EML6: variants seen among roughly 807,000 people sequenced by gnomAD.
EML6 encodes the protein EMAP like 6, also known as echinoderm microtubule-associated protein-like 6.
EML6 carries 154 observed loss-of-function variants against 240.1 expected under a neutral mutation model. The ratio of observed to expected loss-of-function variants is 0.64; its 90% CI spans 0.56 to 0.73. The LOEUF (loss-of-function observed/expected upper bound fraction) is 0.73. Among genes scored for constraint, EML6 ranks in the 30% least tolerant of loss-of-function variants. The pLI, the probability that EML6 is intolerant of heterozygous loss-of-function variation, is 0.00. For missense variants in EML6, 2,964 were observed against 2,474.6 expected (o/e 1.20, Z -4.20); for synonymous variants, 1,148 against 899.0 (o/e 1.28, Z -4.95).
chr2:54,838,516 G>C (rs955851648), intron 7 of EML6, among the ~76,000 whole-genome samples: 4 of 152,176 alleles, frequency 2.6e-5, no homozygotes, highest in African/African-American at 4.8e-5. Context: ...AAATAAACTA[G>C]TGGTAGAAAA....
chr2:54,853,576 T>A, intron 10 of EML6, 67 bp from the exon 11 acceptor site: 1 of 1,023,120 alleles, frequency 9.8e-7, no homozygotes, highest in Non-Finnish European at 1.4e-6. Flanking sequence ...AAGTTTCAGA[T>A]CTTTATAAAA....
Position 54,844,202 on chromosome 2 carries a change from C to G in EML6, c.1003C>G (p.Pro335Ala). Residue 335 changes from proline to alanine, a missense_variant, in exon 8 of 42, where the codon CCC becomes GCC. Transcript: ENST00000356458. ...TGAGCTCTGGGCTCTGGCCCTGCAC[C>G]CCAAGAAGCCTCTGGCTGTGACAGG... Reference protein sequence around the residue: ...EGELWALALHPKKPLAVTGSD... With the variant: ...EGELWALALHAKKPLAVTGSD... 2 of 1,551,656 alleles carry G rather than the reference C, an allele frequency of 1.3e-6. No homozygotes were observed. The highest frequency in any genetic ancestry group is 8.7e-7 in the Non-Finnish European group (1 of 1,146,992).
At chr2:54,909,396 G>A (rs1673520850) in intron 24 of EML6, among the ~76,000 whole-genome samples, 1 of 151,942 alleles carries the variant, frequency 6.6e-6, no homozygotes, top group Admixed American at 6.6e-5. Flanking sequence ...CCCATTTCAG[G>A]GTACACATTT....
chr2:54,829,409 G>A lies in EML6; in HGVS notation c.779G>A (p.Arg260Gln), dbSNP rs1425292691. 9 of 1,551,620 alleles carry A rather than the reference G, an allele frequency of 5.8e-6. No homozygotes were observed. The Admixed American group carries it at 5.9e-5, about 10-fold the overall frequency. Residue 260 changes from arginine to glutamine, a missense_variant, in exon 7 of 42, where the codon CGA becomes CAA. Coordinates refer to ENST00000356458, the MANE Select transcript of EML6 (RefSeq NM_001039753.4). ...ACTGGTGGGCGAGATGGGTGTATACGACTGTGGGACACTGATTTCAAACCA... is the reference window on the plus strand; with the variant it reads ...ACTGGTGGGCGAGATGGGTGTATACAACTGTGGGACACTGATTTCAAACCA... ...FATGGRDGCI[R>Q]LWDTDFKPIT...
rs78578324 is a variant in EML6, at chr2:54,912,351, C to T, written c.3498+1309C>T. Among the ~76,000 whole-genome samples, 1,056 of 152,216 alleles carry T rather than the reference C, an allele frequency of 6.9e-3. 4 individuals carry two copies. The highest frequency in any genetic ancestry group is 0.011 in the Non-Finnish European group (716 of 68,002). The stretch of plus-strand genomic sequence containing the variant: ...GAGTAAGAGGTATTTTTAATTACGT[C>T]CTTCATTCACTGGTAATTTGTTGAC... On this transcript the variant is annotated intron_variant, in intron 25 of 41. Transcript: ENST00000356458.
In EML6 at chr2:54,891,036, C is replaced by T; in HGVS notation, c.2439-18C>T. 8.1e-7 allele frequency: 1 copy of T among 1,227,598 alleles called. No individual in the cohort carries two copies. The highest frequency in any genetic ancestry group is 1.1e-6 in the Non-Finnish European group (1 of 882,630). The allele number at this position is 1,227,598 out of a possible 1,614,324, so 76.0% of individuals were successfully genotyped here. A position where few individuals can be genotyped will look rare whatever the true frequency, so the allele number is the denominator to read the frequency against. ...TTCCATCCAAACTAGAATCTTATTT[C>T]CTATTTGTCTCTTACAGAGGACATA... On this transcript the variant is annotated intron_variant, in intron 17 of 41. Transcript: ENST00000356458.
At chr2:54,806,130 T>A (rs1670462833) in intron 2 of EML6, among the ~76,000 whole-genome samples, 1 of 152,212 alleles carries the variant, frequency 6.6e-6, no homozygotes, top group Admixed American at 6.5e-5. Context: ...TATGTGTGTA[T>A]GTATATATAC....
intron 2 of EML6, among the ~76,000 whole-genome samples, chr2:54,766,535 A>G (rs1389560174): frequency 6.6e-6 from 1 of 152,146 alleles, no homozygotes; most frequent in African/African-American, 2.4e-5. Flanking sequence ...GAGGCACATG[A>G]TATTAATTTG....
chr2:54,952,685 C>A lies in EML6; in HGVS notation c.4305C>A (p.Ser1435Arg). 1.3e-6 allele frequency: 2 copies of A among 1,549,702 alleles called. No homozygotes were observed. The highest frequency in any genetic ancestry group is 1.7e-6 in the Non-Finnish European group (2 of 1,145,480). ...AGTACAGAAACGTGGTGGCCACCAG[C>A]CAGATAGGTAGGAGGTCCTGTGGCA... is the stretch of plus-strand genomic sequence containing the variant. Reference protein sequence around the residue: ...HPKYRNVVATSQIGTTPSIHI... With the variant: ...HPKYRNVVATRQIGTTPSIHI... Residue 1435 changes from serine to arginine, a missense_variant, in exon 31 of 42, where the codon AGC becomes AGA. Ser to Arg is a moderately radical substitution (Grantham distance 110). Coordinates refer to ENST00000356458, the MANE Select transcript of EML6 (RefSeq NM_001039753.4).
At position 54,847,730 on chromosome 2, in the gene EML6, A is replaced by G. The variant is rs139134758; in HGVS notation, c.1187+107A>G. On this transcript the variant is annotated intron_variant, in intron 9 of 41. Coordinates refer to ENST00000356458, the MANE Select transcript of EML6 (RefSeq NM_001039753.4). ...GACCTTAGGAAAAATCCATTTAGCC[A>G]TTCAAATAGGAATACTATAGATCTA... 8,584 of 1,220,950 alleles carry G rather than the reference A, an allele frequency of 7.0e-3. 53 individuals carry two copies. The highest frequency in any genetic ancestry group is 8.5e-3 in the South Asian group (569 of 66,610). The allele number at this position is 1,220,950 out of a possible 1,614,324, so 75.6% of individuals were successfully genotyped here.
chr2:54,911,479 G>C (rs1391759984), intron 25 of EML6, among the ~76,000 whole-genome samples: 1 of 151,052 alleles, frequency 6.6e-6, no homozygotes, highest in Non-Finnish European at 1.5e-5. Flanking sequence ...GCCCAGGCTG[G>C]AGTGCAGGGG....
chr2:54,898,096 C>T (rs879317394), intron 21 of EML6, among the ~76,000 whole-genome samples: 6 of 151,998 alleles, frequency 3.9e-5, no homozygotes, highest in South Asian at 2.1e-4. Flanking sequence ...TGGCATTTCC[C>T]GTCATGTGTG....
At chr2:54,887,891 C>A (rs1015362912) in intron 17 of EML6, among the ~76,000 whole-genome samples, 5 of 152,202 alleles carry the variant, frequency 3.3e-5, no homozygotes, top group Non-Finnish European at 7.3e-5. Flanking sequence ...ACATTTGTTA[C>A]AATTCATGAA....
In EML6 at chr2:54,727,064, G is replaced by A. The variant is rs769194114; in HGVS notation, c.197+1806G>A. On this transcript the variant is annotated intron_variant, in intron 2 of 41. Coordinates refer to ENST00000356458, the MANE Select transcript of EML6 (RefSeq NM_001039753.4). ...TAAACCGTTGTTATGACAAGCAGCC[G>A]GGCTAGTGGGATGTGATGAAATCTA... Among the ~76,000 whole-genome samples the A allele has an allele frequency of 1.1e-3, 167 of 152,282 alleles. No homozygotes were observed. The Middle Eastern group carries it at 0.014, about 12-fold the overall frequency.
chr2:54,898,873 T>A (rs1405789128), intron 21 of EML6, among the ~76,000 whole-genome samples: 1 of 152,238 alleles, frequency 6.6e-6, no homozygotes, highest in Non-Finnish European at 1.5e-5. Context: ...GAGAATCAAA[T>A]TCATTTTCTC....
chr2:54,921,098 A>G (rs539284798), intron 26 of EML6, among the ~76,000 whole-genome samples: 7 of 152,212 alleles, frequency 4.6e-5, no homozygotes, highest in African/African-American at 1.7e-4. Flanking sequence ...AAGACAAGGA[A>G]GTCCTAGCCA....
chr2:54,742,708 C>T (rs1477890501), intron 2 of EML6, among the ~76,000 whole-genome samples: 1 of 152,216 alleles, frequency 6.6e-6, no homozygotes, highest in Admixed American at 6.5e-5. Flanking sequence ...CAGCCAGCCT[C>T]AGCTTCTTCC....
intron 5 of EML6, among the ~76,000 whole-genome samples, chr2:54,820,988 T>G (rs576097504): frequency 6.6e-6 from 1 of 152,304 alleles, no homozygotes; most frequent in Non-Finnish European, 1.5e-5. Flanking sequence ...CTACATTTGC[T>G]TCTTACTATT....
chr2:54,750,237 T>C (rs918124005), intron 2 of EML6, among the ~76,000 whole-genome samples: 7 of 152,144 alleles, frequency 4.6e-5, no homozygotes, highest in African/African-American at 1.7e-4. Context: ...TTGATAATAT[T>C]TGACTCCTGG....
Sources: allele counts gnomAD v4.1 joint callset (sites outside exome capture counted in the v4.1 genomes callset), GRCh38; gene constraint gnomAD v4.1.1; transcripts MANE v1.5; gene names NCBI Gene and HGNC (gene_info 2026-07-23, HGNC 2026-07-21).